The following EDC3 variants were observed in gnomAD, a reference collection of about 807,000 sequenced individuals.
The protein encoded by EDC3 is enhancer of mRNA-decapping protein 3.
Under a neutral mutation model 41.8 loss-of-function variants are expected in EDC3, and 20 were observed. That is an observed-to-expected ratio of 0.48 (90% CI 0.34 to 0.70). EDC3 has a LOEUF of 0.70. Ranked by LOEUF, EDC3 falls within the 30% of genes least tolerant of loss-of-function variation. The pLI, the probability that EDC3 is intolerant of heterozygous loss-of-function variation, is 0.01. For missense variants in EDC3, 444 were observed against 636.8 expected (o/e 0.70, Z 3.26); for synonymous variants, 206 against 243.2 (o/e 0.85, Z 1.42).
In EDC3 at chr15:74,684,071, G is replaced by C. The variant is rs145077813; in HGVS notation, c.-18-8929C>G. Among the ~76,000 whole-genome samples, 94 of 138,134 alleles carry C rather than the reference G, an allele frequency of 6.8e-4. 1 individual carries two copies. The highest frequency in any genetic ancestry group is 2.5e-3 in the African/African-American group (92 of 36,160). 90.6% of individuals were successfully genotyped at this position (138,134 alleles called of 152,430 possible). A position where few individuals can be genotyped will look rare whatever the true frequency, so the allele number is the denominator to read the frequency against. Reference sequence around the variant, plus strand: ...CACTGTCTTTATTTTATATATTTTGGTTTTTTGTTTCTGTTTTTTTTTTTT... The same window carrying C: ...CACTGTCTTTATTTTATATATTTTGCTTTTTTGTTTCTGTTTTTTTTTTTT... On this transcript the variant is annotated intron_variant, in intron 1 of 6. Transcript: ENST00000315127.
Position 74,630,742 on chromosome 15 carries a change from C to T in EDC3, c.*1870G>A, listed in dbSNP as rs898106720. On this transcript the variant is annotated 3_prime_UTR_variant, in exon 7 of 7. Coordinates refer to ENST00000315127, the MANE Select transcript of EDC3 (RefSeq NM_025083.5). ...TTAATACCTCTGGGGAAGGCCCAGG[C>T]TAAGGATGAGGGCAGGGACCAGTCC... 1 of 152,258 alleles carries T rather than the reference C, an allele frequency of 6.6e-6. No homozygotes were observed. The highest frequency in any genetic ancestry group is 1.5e-5 in the Non-Finnish European group (1 of 68,074). The allele number at this position is 152,258 out of a possible 1,614,324, so 9.4% of individuals were successfully genotyped here.
intron 4 of EDC3, among the ~76,000 whole-genome samples, chr15:74,648,116 A>C (rs370873185): frequency 4.6e-5 from 7 of 152,244 alleles, no homozygotes; most frequent in East Asian, 1.9e-4. Context: ...TATCTGCAAG[A>C]GTACAACAGC....
At position 74,671,786 on chromosome 15, in the gene EDC3, A is replaced by C. The variant is rs747870951; in HGVS notation, c.165-12T>G. Reference sequence around the variant, plus strand: ...TAATGTCACCTGCCCTGAAATACACAAAAAAGCCAAGTCTCAAAATTATAA... The same window carrying C: ...TAATGTCACCTGCCCTGAAATACACCAAAAAGCCAAGTCTCAAAATTATAA... On this transcript the variant is annotated splice_polypyrimidine_tract_variant and intron_variant, in intron 2 of 6. Transcript: ENST00000315127. This position sits in a 1 kb window ranked among gnomAD's most constrained non-coding sequence, Gnocchi z 4.6. 1.2e-6 allele frequency: 2 copies of C among 1,609,118 alleles called. No homozygotes were observed. Among genetic ancestry groups the C allele is most frequent in the Non-Finnish European group, 8.5e-7 (1 of 1,176,624 alleles).
intron 4 of EDC3, chr15:74,642,469 T>A (rs2062365931): frequency 1.3e-5 from 2 of 152,216 alleles, no homozygotes; most frequent in African/African-American, 4.8e-5. Flanking sequence ...GACACGCACA[T>A]ATTATCAGAA....
intron 3 of EDC3, among the ~76,000 whole-genome samples, chr15:74,658,644 A>AC (rs1567166318): frequency 1.3e-5 from 2 of 150,238 alleles, no homozygotes; most frequent in African/African-American, 4.9e-5. Flanking sequence ...AAAAAAAAAA[A>AC]AAAAAAAAAA....
chr15:74,664,801 C>T (rs566416476), intron 3 of EDC3, among the ~76,000 whole-genome samples: 3 of 152,320 alleles, frequency 2.0e-5, no homozygotes, highest in Admixed American at 2.0e-4. Flanking sequence ...CACTTCCTGC[C>T]TCAGGTGGTG....
chr15:74,660,632 T>A (rs2062610745), intron 3 of EDC3, among the ~76,000 whole-genome samples: 1 of 151,944 alleles, frequency 6.6e-6, no homozygotes. Flanking sequence ...AGAATAAGGA[T>A]TATCAACGTA....
chr15:74,632,562 G>T lies in EDC3; in HGVS notation c.*50C>A. ...GAAGCTTCATATCCTTAAGGCGTTT[G>T]TTATCAGGAGCAGCAGGGGACAGCA... On this transcript the variant is annotated 3_prime_UTR_variant, in exon 7 of 7. Coordinates refer to ENST00000315127, the MANE Select transcript of EDC3 (RefSeq NM_025083.5). The surrounding 1 kb of genome is among the most constrained non-coding windows in gnomAD (Gnocchi z 4.0). 6.3e-7 allele frequency: 1 copy of T among 1,583,814 alleles called. No homozygotes were observed. The highest frequency in any genetic ancestry group is 1.1e-5 in the South Asian group (1 of 89,242).
chr15:74,656,372 C>G (rs1388940089), intron 3 of EDC3, among the ~76,000 whole-genome samples: 1 of 151,178 alleles, frequency 6.6e-6, no homozygotes, highest in African/African-American at 2.4e-5. Flanking sequence ...GACACTGCAC[C>G]CCAGCCTGGG....
At chr15:74,647,212 G>A (rs1436810654) in intron 4 of EDC3, among the ~76,000 whole-genome samples, 1 of 152,058 alleles carries the variant, frequency 6.6e-6, no homozygotes, top group Non-Finnish European at 1.5e-5. Context: ...GTTTCAACAT[G>A]TTGGTCAGGC....
At position 74,635,520 on chromosome 15, in the gene EDC3, C is replaced by A; in HGVS notation, c.1081G>T (p.Asp361Tyr). 6.2e-7 allele frequency: 1 copy of A among 1,614,280 alleles called. No individual in the cohort carries two copies. Among genetic ancestry groups the A allele is most frequent in the Non-Finnish European group, 8.5e-7 (1 of 1,180,052 alleles). Residue 361 changes from aspartate to tyrosine, a missense_variant, in exon 6 of 7, where the codon GAT becomes TAT. This residue lies in a region of EDC3 where 242 missense variants were observed against 363.8 expected (regional missense o/e 0.67). Transcript: ENST00000315127. ...ISCGRHLANH[D>Y]VQVILFLPNF... ...GGCAGGAAAAGGATGACCTGGACAT[C>A]ATGGTTGGCTAGGTGCCTTCCACAG...
At chr15:74,668,729 T>TGAATGAAAGAAAGAAAGAAAGAAA (rs1555455855) in intron 3 of EDC3, among the ~76,000 whole-genome samples, 49 of 140,352 alleles carry the variant, frequency 3.5e-4, no homozygotes, top group South Asian at 2.7e-3. Context: ...CAAAAATGAA[T>TGAATGAAAGAAAGAAAGAAAGAAA]GAAAGAAAGA....
chr15:74,631,353 G>A lies in EDC3; in HGVS notation c.*1259C>T, dbSNP rs1322361886. ...ACACAAGTCCTTGACAGGAATCCCT[G>A]CCAGGATTCCAGGCATAGATCCTGT... is the stretch of plus-strand genomic sequence containing the variant. On this transcript the variant is annotated 3_prime_UTR_variant, in exon 7 of 7. Transcript: ENST00000315127. 2 of 152,262 alleles carry A rather than the reference G, an allele frequency of 1.3e-5. No individual in the cohort carries two copies. 9.4% of individuals were successfully genotyped at this position (152,262 alleles called of 1,614,324 possible).
intron 3 of EDC3, among the ~76,000 whole-genome samples, chr15:74,664,556 G>A (rs1033952224): frequency 6.6e-6 from 1 of 152,202 alleles, no homozygotes; most frequent in African/African-American, 2.4e-5. Flanking sequence ...CACTGTAAGT[G>A]GGAACTTTGT....
intron 6 of EDC3, among the ~76,000 whole-genome samples, chr15:74,633,703 C>A (rs2141567101): frequency 6.6e-6 from 1 of 152,222 alleles, no homozygotes; most frequent in East Asian, 1.9e-4. Flanking sequence ...GTCGTTGAGA[C>A]TTGTGTCCTG....
intron 4 of EDC3, among the ~76,000 whole-genome samples, chr15:74,651,702 C>T (rs1306472447): frequency 2.0e-5 from 3 of 152,188 alleles, no homozygotes; most frequent in South Asian, 4.1e-4. Flanking sequence ...GGCCAGACTG[C>T]GGGAGCTCTC....
At chr15:74,685,778 A>G (rs1307437204) in intron 1 of EDC3, among the ~76,000 whole-genome samples, 1 of 152,198 alleles carries the variant, frequency 6.6e-6, no homozygotes, top group African/African-American at 2.4e-5. Context: ...GTTAAGCACA[A>G]AGTGAAACAC....
intron 1 of EDC3, among the ~76,000 whole-genome samples, chr15:74,682,299 G>A (rs2062878651): frequency 6.6e-6 from 1 of 152,064 alleles, no homozygotes; most frequent in South Asian, 2.1e-4. Context: ...TCTAGCCTGA[G>A]CAACAGAGAC....
At chr15:74,684,417 C>T (rs946237573) in intron 1 of EDC3, among the ~76,000 whole-genome samples, 2 of 148,318 alleles carry the variant, frequency 1.3e-5, no homozygotes, top group African/African-American at 5.0e-5. Context: ...CTGCCTACCT[C>T]GGCCTCCCAA....
Sources: gnomAD v4.1 joint callset for allele counts (sites outside exome capture counted in the v4.1 genomes callset) on GRCh38, gnomAD v4.1.1 for gene constraint, gnomAD v4.1.1 regional missense constraint, Gnocchi (gnomAD v3.1) non-coding constraint, MANE v1.5 for transcripts, NCBI Gene and HGNC (gene_info 2026-07-23, HGNC 2026-07-21) for gene names.